METTL15: variants seen among roughly 807,000 people sequenced by gnomAD.
METTL15 encodes methyltransferase 15, mitochondrial 12S rRNA N4-cytidine.
METTL15 carries 34 observed loss-of-function variants against 38.3 expected under a neutral mutation model. The observed-to-expected ratio is 0.89, with a 90% CI of 0.68 to 1.18. The LOEUF (loss-of-function observed/expected upper bound fraction) is 1.18, where lower values mean the gene tolerates loss of function less well. METTL15 is among the 50% of genes most tolerant of loss of function. METTL15 has a pLI of 0.00. For missense variants in METTL15, 438 were observed against 498.4 expected (o/e 0.88, Z 1.15); for synonymous variants, 162 against 170.9 (o/e 0.95, Z 0.41).
intron 5 of METTL15, among the ~76,000 whole-genome samples, chr11:28,367,700 A>G (rs779177257): frequency 4.0e-4 from 61 of 152,164 alleles, no homozygotes; most frequent in Admixed American, 1.3e-4. Flanking sequence ...TTCAAACTAT[A>G]CTACAAGGCT....
intron 4 of METTL15, among the ~76,000 whole-genome samples, chr11:28,289,276 C>G (rs770764664): frequency 6.6e-6 from 1 of 152,080 alleles, no homozygotes; most frequent in Non-Finnish European, 1.5e-5. Context: ...ATGCCTGACC[C>G]ATAGCAAATA....
intron 3 of METTL15, among the ~76,000 whole-genome samples, chr11:28,203,176 T>C (rs933701935): frequency 2.0e-5 from 3 of 152,064 alleles, no homozygotes; most frequent in African/African-American, 7.2e-5. Flanking sequence ...ATTATTTCCA[T>C]GGGTCCTGAT....
At chr11:28,207,294 A>T (rs1852390695) in intron 3 of METTL15, among the ~76,000 whole-genome samples, 2 of 151,920 alleles carry the variant, frequency 1.3e-5, no homozygotes, top group South Asian at 2.1e-4. Context: ...TCAATACCTA[A>T]TTTATTGAGA....
chr11:28,208,619 A>G (rs893363084), intron 3 of METTL15, among the ~76,000 whole-genome samples: 5 of 152,152 alleles, frequency 3.3e-5, no homozygotes, highest in East Asian at 1.9e-4. Flanking sequence ...GTAGATGTCT[A>G]TTAGGTCCGC....
chr11:28,523,361 A>C (rs937208253), intron 6 of METTL15, among the ~76,000 whole-genome samples: 1 of 152,210 alleles, frequency 6.6e-6, no homozygotes. Context: ...TCCCTTATAC[A>C]ATATTCTGTA....
intron 3 of METTL15, among the ~76,000 whole-genome samples, chr11:28,177,031 A>T (rs1366115829): frequency 6.6e-6 from 1 of 152,040 alleles, no homozygotes. Context: ...TCTTAGATGG[A>T]TACACTAGAA....
At chr11:28,370,201 C>T (rs1334311691) in intron 5 of METTL15, among the ~76,000 whole-genome samples, 1 of 151,972 alleles carries the variant, frequency 6.6e-6, no homozygotes, top group Non-Finnish European at 1.5e-5. Context: ...TAATCAACCA[C>T]ACTTCATCCC....
At chr11:28,313,431 A>G (rs960227086) in intron 6 of METTL15, among the ~76,000 whole-genome samples, 1 of 151,994 alleles carries the variant, frequency 6.6e-6, no homozygotes, top group Non-Finnish European at 1.5e-5. Flanking sequence ...TTAATAATCA[A>G]TGATTAATGA....
intron 4 of METTL15, among the ~76,000 whole-genome samples, chr11:28,220,928 C>T (rs903645274): frequency 7.0e-4 from 107 of 152,324 alleles, no homozygotes; most frequent in African/African-American, 2.5e-3. Context: ...GCGGAGAGAT[C>T]AACTGTTAGT....
At chr11:28,133,518 A>G (rs1849408090) in intron 3 of METTL15, among the ~76,000 whole-genome samples, 1 of 152,172 alleles carries the variant, frequency 6.6e-6, no homozygotes, top group Admixed American at 6.6e-5. Context: ...TGCTGCATTG[A>G]ATTAGGTTGA....
intron 5 of METTL15, among the ~76,000 whole-genome samples, chr11:28,294,428 C>T (rs1263803139): frequency 1.3e-5 from 2 of 152,108 alleles, no homozygotes; most frequent in East Asian, 1.9e-4. Context: ...CTTAACCAGT[C>T]GCCATTTAAC....
At chr11:28,119,217 A>G (rs1010474220) in intron 3 of METTL15, among the ~76,000 whole-genome samples, 2 of 152,192 alleles carry the variant, frequency 1.3e-5, no homozygotes, top group African/African-American at 4.8e-5. Context: ...TATTTGTTCA[A>G]TATACACCTC....
At position 28,264,561 on chromosome 11, in the gene METTL15, T is replaced by C. The variant is rs554101498; in HGVS notation, c.408-25645T>C. ...CAATCAATTTAAGGATCAGTTGTGATACAGGAATCCTGTGATGCAGAAGCC... is the reference window on the plus strand; with the variant it reads ...CAATCAATTTAAGGATCAGTTGTGACACAGGAATCCTGTGATGCAGAAGCC... On this transcript the variant is annotated intron_variant, in intron 4 of 6. Transcript: ENST00000407364. Among the ~76,000 whole-genome samples the C allele has an allele frequency of 4.1e-4, 63 of 152,288 alleles. No individual in the cohort carries two copies. In the South Asian group the frequency reaches 0.012, roughly 30 times the overall value.
chr11:28,422,910 G>T (rs749824537), intron 5 of METTL15, among the ~76,000 whole-genome samples: 45 of 151,810 alleles, frequency 3.0e-4, no homozygotes, highest in Middle Eastern at 3.4e-3. Flanking sequence ...AAAGAAAACA[G>T]CCCATAGAAT....
intron 4 of METTL15, among the ~76,000 whole-genome samples, chr11:28,234,072 G>A (rs912744405): frequency 1.3e-5 from 2 of 150,316 alleles, no homozygotes; most frequent in Non-Finnish European, 2.9e-5. Flanking sequence ...TTTTGTCCTT[G>A]CGATAGTTTA....
At chr11:28,188,954 A>G in intron 3 of METTL15, among the ~76,000 whole-genome samples, 1 of 151,298 alleles carries the variant, frequency 6.6e-6, no homozygotes, top group Admixed American at 6.6e-5. Flanking sequence ...TATTCATCCT[A>G]GGTAACTTTT....
chr11:28,350,393 A>C (rs907707288), intron 3 of METTL15, among the ~76,000 whole-genome samples: 3 of 152,232 alleles, frequency 2.0e-5, no homozygotes, highest in Admixed American at 6.5e-5. Flanking sequence ...AAATAAACAA[A>C]ATTAGTTTTA....
intron 6 of METTL15, among the ~76,000 whole-genome samples, chr11:28,450,739 A>C (rs933803382): frequency 6.6e-6 from 1 of 152,244 alleles, no homozygotes; most frequent in Non-Finnish European, 1.5e-5. Flanking sequence ...GTATATGCAC[A>C]ATATTTTTTA....
intron 6 of METTL15, among the ~76,000 whole-genome samples, chr11:28,517,904 T>G (rs1050497767): frequency 9.2e-5 from 14 of 152,194 alleles, no homozygotes; most frequent in Non-Finnish European, 1.3e-4. Flanking sequence ...TGGGCCTTGT[T>G]TTTCCTTTTT....
Sources: gnomAD v4.1 joint callset for allele counts (sites outside exome capture counted in the v4.1 genomes callset) on GRCh38, gnomAD v4.1.1 for gene constraint, MANE v1.5 for transcripts, NCBI Gene and HGNC (gene_info 2026-07-23, HGNC 2026-07-21) for gene names.